Variants in GUCY1A2 observed in about 807,000 individuals in gnomAD.
The protein encoded by GUCY1A2 is guanylate cyclase soluble subunit alpha-2.
GUCY1A2 carries 27 observed loss-of-function variants against 63.5 expected under a neutral mutation model. That is an observed-to-expected ratio of 0.43 (90% CI 0.31 to 0.59). The LOEUF (loss-of-function observed/expected upper bound fraction) is 0.59. Among genes scored for constraint, GUCY1A2 ranks in the 20% least tolerant of loss-of-function variants. The pLI is 0.11. For synonymous variants in GUCY1A2, 364 were observed against 343.5 expected (o/e 1.06, Z -0.66); for missense variants, 768 against 913.3 (o/e 0.84, Z 2.05).
At chr11:106,709,162 AAT>A (rs1218309984) in intron 6 of GUCY1A2, among the ~76,000 whole-genome samples, 3 of 131,994 alleles carry the variant, frequency 2.3e-5, no homozygotes, top group African/African-American at 5.6e-5. Context: ...ACATGTATAT[AAT>A]ATATATAACT....
At chr11:106,980,193 G>T (rs549347969) in intron 2 of GUCY1A2, among the ~76,000 whole-genome samples, 1 of 152,200 alleles carries the variant, frequency 6.6e-6, no homozygotes. Flanking sequence ...GCAAATATGT[G>T]AATTTCCCAT....
chr11:106,897,480 G>A (rs111333266), intron 4 of GUCY1A2, among the ~76,000 whole-genome samples: 73 of 151,928 alleles, frequency 4.8e-4, no homozygotes, highest in African/African-American at 1.7e-3. Flanking sequence ...AAATAGAGTG[G>A]TATTTGCAAA....
At chr11:106,956,468 T>TTTG (rs995320399) in intron 3 of GUCY1A2, among the ~76,000 whole-genome samples, 33 of 152,098 alleles carry the variant, frequency 2.2e-4, no homozygotes, top group African/African-American at 4.6e-4. Flanking sequence ...TGGAGGCCTT[T>TTTG]TTGTTGTTGT....
At chr11:106,791,144 A>G (rs956014234) in intron 5 of GUCY1A2, among the ~76,000 whole-genome samples, 3 of 152,190 alleles carry the variant, frequency 2.0e-5, no homozygotes, top group Non-Finnish European at 2.9e-5. Flanking sequence ...GCAGAACTCA[A>G]GTTCTGAACA....
rs1444131971 is a variant in GUCY1A2 at position 106,776,547 on chromosome 11, T to G, written c.1728A>C (p.Ala576=). The G allele has an allele frequency of 6.2e-7, 1 of 1,613,496 alleles. No homozygotes were observed. Among genetic ancestry groups the G allele is most frequent in the Non-Finnish European group, 8.5e-7 (1 of 1,179,408 alleles). ...GGCAGAGGCTTTTTCTGTGGAGCCC[T>G]GCTGCAACACAGTAGGCATCACCTA... is the stretch of plus-strand genomic sequence containing the variant. The part of the protein sequence containing the change: ...ETIGDAYCVA[A]GLHRKSLCHA... The change falls in exon 6 of 8, where the codon GCA becomes GCC. Residue 576 remains alanine, a synonymous_variant. Transcript: ENST00000526355.
At chr11:106,767,742 A>T (rs11211900) in intron 6 of GUCY1A2, among the ~76,000 whole-genome samples, 17,634 of 152,152 alleles carry the variant, frequency 0.12, 1,241 homozygotes, top group East Asian at 0.29. Context: ...GCACTATAGC[A>T]TCATGTCAGA....
rs2135327428 is a variant in GUCY1A2 at position 106,681,280 on chromosome 11, C to T, written c.*6269G>A. 4.5e-6 allele frequency: 1 copy of T among 223,006 alleles called. No homozygotes were observed. The highest frequency in any genetic ancestry group is 1.8e-4 in the South Asian group (1 of 5,444). The allele number at this position is 223,006 out of a possible 1,614,324, so 13.8% of individuals were successfully genotyped here. ...GTAATAATGAGCTCTTTTATCTTTACTCTTTCATCTTCCAAGACCATATCA... is the reference window on the plus strand; with the variant it reads ...GTAATAATGAGCTCTTTTATCTTTATTCTTTCATCTTCCAAGACCATATCA... On this transcript the variant is annotated 3_prime_UTR_variant, in exon 8 of 8. Coordinates refer to ENST00000526355, the MANE Select transcript of GUCY1A2 (RefSeq NM_000855.3).
chr11:106,738,383 C>G (rs1474236134), intron 6 of GUCY1A2, among the ~76,000 whole-genome samples: 3 of 152,204 alleles, frequency 2.0e-5, no homozygotes, highest in Non-Finnish European at 4.4e-5. Flanking sequence ...TGTGCAGAAG[C>G]TCTTTAGTTT....
intron 5 of GUCY1A2, among the ~76,000 whole-genome samples, chr11:106,796,948 A>C (rs1372528496): frequency 6.6e-6 from 1 of 152,014 alleles, no homozygotes; most frequent in African/African-American, 2.4e-5. Flanking sequence ...ACATAGTCCC[A>C]TATTTCTTGG....
intron 4 of GUCY1A2, among the ~76,000 whole-genome samples, chr11:106,880,191 G>C (rs1037130660): frequency 6.6e-6 from 1 of 151,996 alleles, no homozygotes; most frequent in Non-Finnish European, 1.5e-5. Flanking sequence ...TGTGTGTTCA[G>C]AGTTCTGAGC....
Position 106,940,168 on chromosome 11 carries a change from A to C in GUCY1A2, c.498T>G (p.Phe166Leu). The C allele has an allele frequency of 6.6e-7, 1 of 1,506,774 alleles. No individual in the cohort carries two copies. Among genetic ancestry groups the C allele is most frequent in the Non-Finnish European group, 9.2e-7 (1 of 1,088,696 alleles). The allele number at this position is 1,506,774 out of a possible 1,614,324, so 93.3% of individuals were successfully genotyped here. A position where few individuals can be genotyped will look rare whatever the true frequency, so the allele number is the denominator to read the frequency against. Residue 166 changes from phenylalanine to leucine, a missense_variant, in exon 4 of 8, where the codon TTT (phenylalanine) becomes TTG (leucine). By Grantham distance (22) the Phe-to-Leu change is conservative (BLOSUM62 0). This residue lies in a region of GUCY1A2 where 496 missense variants were observed against 486.9 expected (regional missense o/e 1.02). Coordinates refer to ENST00000526355, the MANE Select transcript of GUCY1A2 (RefSeq NM_000855.3). The part of the protein sequence containing the change: ...QCTANILGLK[F>L]EEIQKRFGEE... ...CACCAAATCTTTTTTGAATTTCCTC[A>C]AACTTCAAACCTAGAGGTAAATGGG...
intron 1 of GUCY1A2, among the ~76,000 whole-genome samples, chr11:107,010,203 T>A (rs1328458296): frequency 6.6e-6 from 1 of 152,160 alleles, no homozygotes; most frequent in Non-Finnish European, 1.5e-5. Context: ...ACCTCCTAAA[T>A]GACTCTAGCC....
At chr11:107,010,916 G>A (rs1252144245) in intron 1 of GUCY1A2, among the ~76,000 whole-genome samples, 1 of 151,932 alleles carries the variant, frequency 6.6e-6, no homozygotes, top group Non-Finnish European at 1.5e-5. Context: ...TTTTGGTAGA[G>A]ACAGGGTTTC....
chr11:106,842,630 G>T (rs1277910468), intron 4 of GUCY1A2, among the ~76,000 whole-genome samples: 1 of 151,992 alleles, frequency 6.6e-6, no homozygotes, highest in Non-Finnish European at 1.5e-5. Flanking sequence ...AACTAGTCCA[G>T]TAGTTACTTT....
At chr11:107,009,907 T>C (rs1337400729) in intron 1 of GUCY1A2, among the ~76,000 whole-genome samples, 2 of 152,158 alleles carry the variant, frequency 1.3e-5, no homozygotes, top group African/African-American at 2.4e-5. Flanking sequence ...AGCAATTACC[T>C]GGAGTTTTGT....
chr11:106,963,579 A>T (rs11211990), intron 3 of GUCY1A2, among the ~76,000 whole-genome samples: 9,969 of 152,192 alleles, frequency 0.066, 818 homozygotes, highest in East Asian at 0.27. Flanking sequence ...ACACTATTCC[A>T]ATTTCATCCT....
At position 106,947,400 on chromosome 11, in the gene GUCY1A2, G is replaced by T. The variant is rs550465296; in HGVS notation, c.488-7222C>A. Among the ~76,000 whole-genome samples the T allele has an allele frequency of 1.7e-4, 26 of 152,008 alleles. 1 individual carries two copies. In the East Asian group the frequency reaches 2.1e-3, roughly 12 times the overall value. On this transcript the variant is annotated intron_variant, in intron 3 of 7. Transcript: ENST00000526355. ...AAACCTTGATAAAAATAAAATTTTA[G>T]TGAAAAACTTTAATGTGTCCTTTTG...
intron 7 of GUCY1A2, among the ~76,000 whole-genome samples, chr11:106,706,816 A>G (rs967525056): frequency 2.0e-5 from 3 of 152,138 alleles, no homozygotes; most frequent in Non-Finnish European, 2.9e-5. Context: ...TTTTCATCGT[A>G]TAGAGCAGAA....
chr11:106,943,880 G>A (rs1376234821), intron 3 of GUCY1A2, among the ~76,000 whole-genome samples: 4 of 151,968 alleles, frequency 2.6e-5, no homozygotes, highest in Non-Finnish European at 5.9e-5. Flanking sequence ...CCTCTCCTCA[G>A]AGAGACAATG....
Sources: gnomAD v4.1 joint callset for allele counts (sites outside exome capture counted in the v4.1 genomes callset) on GRCh38, gnomAD v4.1.1 for gene constraint, gnomAD v4.1.1 regional missense constraint, MANE v1.5 for transcripts, NCBI Gene and HGNC (gene_info 2026-07-23, HGNC 2026-07-21) for gene names.